The following YIPF4 variants were observed in gnomAD, a reference collection of about 807,000 sequenced individuals.
YIPF4 encodes the protein protein YIPF4.
YIPF4 carries 18 observed loss-of-function variants against 29.4 expected under a neutral mutation model. The ratio of observed to expected loss-of-function variants is 0.61; its 90% CI spans 0.42 to 0.91. YIPF4 has a LOEUF of 0.91. Ranked by LOEUF, YIPF4 falls within the 40% of genes least tolerant of loss-of-function variation. The pLI is 0.00. For missense variants in YIPF4, 279 were observed against 282.7 expected (o/e 0.99, Z 0.09); for synonymous variants, 115 against 104.7 (o/e 1.10, Z -0.60).
rs13401451 is a variant in YIPF4 at position 32,303,641 on chromosome 2, G to A, written c.598-1848G>A. On this transcript the variant is annotated intron_variant, in intron 5 of 5. Coordinates refer to ENST00000238831, the MANE Select transcript of YIPF4 (RefSeq NM_032312.4). ...GTTGAGGCTGCAGTGAGCAGTGATCGTACCATTGTACTCCAGTGTAGGTGA... is the reference window on the plus strand; with the variant it reads ...GTTGAGGCTGCAGTGAGCAGTGATCATACCATTGTACTCCAGTGTAGGTGA... Among the ~76,000 whole-genome samples, 1,355 of 152,228 alleles carry A rather than the reference G, an allele frequency of 8.9e-3. 18 individuals are homozygous for A. Among genetic ancestry groups the A allele is most frequent in the African/African-American group, 0.031 (1,284 of 41,534 alleles).
chr2:32,305,525 T>C lies in YIPF4; in HGVS notation c.634T>C (p.Ser212Pro). 1.2e-6 allele frequency: 2 copies of C among 1,610,798 alleles called. No homozygotes were observed. The highest frequency in any genetic ancestry group is 1.7e-6 in the Non-Finnish European group (2 of 1,178,512). ...GTTTTGGGCTGCCTACAGTGCTGCT[T>C]CATTGTTAGTGGGTGAAGAATTCAA... The part of the protein sequence containing the change: ...GVFWAAYSAA[S>P]LLVGEEFKTK... The change falls in exon 6 of 6, where the codon TCA becomes CCA. Residue 212 changes from serine to proline, a missense_variant. By Grantham distance (74) the Ser-to-Pro change is moderately conservative. Transcript: ENST00000238831.
At chr2:32,289,093 A>G (rs954559888) in intron 1 of YIPF4, among the ~76,000 whole-genome samples, 1 of 152,256 alleles carries the variant, frequency 6.6e-6, no homozygotes, top group Non-Finnish European at 1.5e-5. Flanking sequence ...ATGCAATTAT[A>G]TGATAACATG....
Position 32,306,196 on chromosome 2 carries a change from GTA to G in YIPF4, c.*575_*576del. The G allele has an allele frequency of 1.1e-6, 1 of 870,336 alleles. No homozygotes were observed. The highest frequency in any genetic ancestry group is 1.4e-6 in the Non-Finnish European group (1 of 725,384). 53.9% of individuals were successfully genotyped at this position (870,336 alleles called of 1,614,324 possible). A position where few individuals can be genotyped will look rare whatever the true frequency, so the allele number is the denominator to read the frequency against. On this transcript the variant is annotated 3_prime_UTR_variant, in exon 6 of 6. Coordinates refer to ENST00000238831, the MANE Select transcript of YIPF4 (RefSeq NM_032312.4). ...AAAATTTAAATTTGTTTTTAAAATTGTATATAGTTTTTAAAATCTCACACATG... is the reference window on the plus strand; with the variant it reads ...AAAATTTAAATTTGTTTTTAAAATTGTATAGTTTTTAAAATCTCACACATG...
rs373521597 is a variant in YIPF4, at chr2:32,307,048, C to T, written c.*1422C>T. On this transcript the variant is annotated 3_prime_UTR_variant, in exon 6 of 6. Transcript: ENST00000238831. The stretch of plus-strand genomic sequence containing the variant: ...TTTAAGCTGCAGAAAAAGTGTGGAG[C>T]ACTTTTGAGCTAGAATAATGTAGAA... The T allele has an allele frequency of 1.2e-5, 14 of 1,140,454 alleles. No homozygotes were observed. In the East Asian group the frequency reaches 6.6e-4, roughly 53 times the overall value. The allele number at this position is 1,140,454 out of a possible 1,614,324, so 70.6% of individuals were successfully genotyped here.
chr2:32,302,528 G>C (rs914748253), intron 5 of YIPF4, among the ~76,000 whole-genome samples: 3 of 152,098 alleles, frequency 2.0e-5, no homozygotes, highest in African/African-American at 7.2e-5. Flanking sequence ...CCGTAGTGCA[G>C]AGATCAGGAC....
chr2:32,300,623 A>T (rs560933444), intron 4 of YIPF4, among the ~76,000 whole-genome samples: 4 of 152,032 alleles, frequency 2.6e-5, no homozygotes, highest in East Asian at 1.9e-4. Flanking sequence ...CACTTAAAGT[A>T]TATTTGTTTA....
At chr2:32,298,148 G>A in intron 3 of YIPF4, 86 bp from the exon 4 acceptor site, 1 of 1,071,646 alleles carries the variant, frequency 9.3e-7, no homozygotes, top group Non-Finnish European at 1.4e-6. Flanking sequence ...ATGCTAAACT[G>A]TCATTTATGG....
rs1279537644 is a variant in YIPF4 at position 32,306,904 on chromosome 2, G to A, written c.*1278G>A. 1 of 289,816 alleles carries A rather than the reference G, an allele frequency of 3.5e-6. No homozygotes were observed. Among genetic ancestry groups the A allele is most frequent in the East Asian group, 1.2e-4 (1 of 8,184 alleles). The allele number at this position is 289,816 out of a possible 1,614,324, so 18.0% of individuals were successfully genotyped here. A position where few individuals can be genotyped will look rare whatever the true frequency, so the allele number is the denominator to read the frequency against. On this transcript the variant is annotated 3_prime_UTR_variant, in exon 6 of 6. Coordinates refer to ENST00000238831, the MANE Select transcript of YIPF4 (RefSeq NM_032312.4). Reference sequence around the variant, plus strand: ...CGACCTCTTGGTATGTATTTCTTTAGCAAACTTACCCATCAGGAAATATCC... The same window carrying A: ...CGACCTCTTGGTATGTATTTCTTTAACAAACTTACCCATCAGGAAATATCC...
Position 32,311,034 on chromosome 2 carries a change from A to G in YIPF4, c.*5408A>G, listed in dbSNP as rs1161898926. 4 of 152,122 alleles carry G rather than the reference A, an allele frequency of 2.6e-5. No homozygotes were observed. Among genetic ancestry groups the G allele is most frequent in the South Asian group, 4.1e-4 (2 of 4,828 alleles). 9.4% of individuals were successfully genotyped at this position (152,122 alleles called of 1,614,324 possible). The stretch of plus-strand genomic sequence containing the variant: ...TCCCTAAATTACAACTTTGACATCA[A>G]AAAAGCTAGACATTCCTACATTTTT... On this transcript the variant is annotated 3_prime_UTR_variant, in exon 6 of 6. Coordinates refer to ENST00000238831, the MANE Select transcript of YIPF4 (RefSeq NM_032312.4).
intron 3 of YIPF4, among the ~76,000 whole-genome samples, chr2:32,294,870 G>C (rs995145878): frequency 9.2e-5 from 14 of 152,246 alleles, no homozygotes; most frequent in Non-Finnish European, 1.8e-4. Flanking sequence ...CTGGAGACCA[G>C]CCCGGCCAAC....
intron 5 of YIPF4, among the ~76,000 whole-genome samples, chr2:32,303,973 G>A (rs2031490431): frequency 6.6e-6 from 1 of 151,956 alleles, no homozygotes; most frequent in South Asian, 2.1e-4. Flanking sequence ...TTGTTCTGTG[G>A]TCATCTTTAA....
At chr2:32,291,026 G>T in intron 2 of YIPF4, 1 of 152,438 alleles carries the variant, frequency 6.6e-6, no homozygotes, top group Admixed American at 6.5e-5. Context: ...AGAAATTCTA[G>T]AGCTGCCACT....
At chr2:32,286,515 A>G (rs2030677323) in intron 1 of YIPF4, among the ~76,000 whole-genome samples, 1 of 152,136 alleles carries the variant, frequency 6.6e-6, no homozygotes, top group South Asian at 2.1e-4. Context: ...TAAAAATATA[A>G]CCTAAGACAA....
intron 1 of YIPF4, among the ~76,000 whole-genome samples, chr2:32,290,268 C>T (rs72798731): frequency 0.018 from 2,709 of 152,150 alleles, 37 homozygotes; most frequent in Non-Finnish European, 0.028. Flanking sequence ...ACCTTTTGTA[C>T]GTTTTTTCAC....
intron 3 of YIPF4, among the ~76,000 whole-genome samples, chr2:32,294,480 A>G (rs867651583): frequency 6.6e-6 from 1 of 151,400 alleles, no homozygotes; most frequent in Non-Finnish European, 1.5e-5. Context: ...GCGGCCGGGC[A>G]GAGACGCTCC....
chr2:32,280,145 T>G (rs1340704577), intron 1 of YIPF4, among the ~76,000 whole-genome samples: 2 of 151,296 alleles, frequency 1.3e-5, no homozygotes, highest in Non-Finnish European at 2.9e-5. Flanking sequence ...ATTTTTTTTT[T>G]GAGGCGGAGT....
chr2:32,289,468 A>G (rs767473405), intron 1 of YIPF4, among the ~76,000 whole-genome samples: 1 of 152,214 alleles, frequency 6.6e-6, no homozygotes, highest in Non-Finnish European at 1.5e-5. Context: ...CCAGAGAGGT[A>G]TCTATCTGTG....
At chr2:32,279,245 ACCGGCGTGAG>A (rs1458218455) in intron 1 of YIPF4, among the ~76,000 whole-genome samples, 1 of 151,928 alleles carries the variant, frequency 6.6e-6, no homozygotes, top group African/African-American at 2.4e-5. Context: ...TGCTGGGATT[ACCGGCGTGAG>A]CCACCGCGCC....
intron 5 of YIPF4, among the ~76,000 whole-genome samples, chr2:32,304,563 A>C (rs1345519769): frequency 3.3e-5 from 5 of 152,322 alleles, no homozygotes. Flanking sequence ...ACATTTGTCA[A>C]CATCTGGAGG....
Sources: gnomAD v4.1 joint callset for allele counts (sites outside exome capture counted in the v4.1 genomes callset) on GRCh38, gnomAD v4.1.1 for gene constraint, MANE v1.5 for transcripts, NCBI Gene and HGNC (gene_info 2026-07-23, HGNC 2026-07-21) for gene names.